The following TENM2 variants were observed in gnomAD, a reference collection of about 807,000 sequenced individuals.
TENM2 encodes the protein teneurin transmembrane protein 2.
A neutral mutation model predicts 245.2 loss-of-function variants in TENM2; 52 were observed. That is an observed-to-expected ratio of 0.21 (90% CI 0.17 to 0.27). The LOEUF is 0.27. Among genes scored for constraint, TENM2 ranks in the 10% least tolerant of loss-of-function variants. TENM2 has a pLI of 1.00. For synonymous variants in TENM2, 1,363 were observed against 1,438.9 expected (o/e 0.95, Z 1.19); for missense variants, 3,046 against 3,666.8 (o/e 0.83, Z 4.37).
chr5:168,036,091 C>T (rs1787638403), intron 5 of TENM2, among the ~76,000 whole-genome samples: 1 of 152,132 alleles, frequency 6.6e-6, no homozygotes, highest in African/African-American at 2.4e-5. Flanking sequence ...CCAGCCCCTA[C>T]CTGGGAGATG....
In TENM2 at chr5:168,218,292, A is replaced by C. The variant is rs769109996; in HGVS notation, c.4401A>C (p.Lys1467Asn). The change falls in exon 23 of 29, where the codon AAA (lysine) becomes AAC (asparagine). Residue 1467 changes from lysine to asparagine, a missense_variant. Physicochemically the swap from Lys to Asn is moderately conservative, Grantham distance 94. This residue lies in a region of TENM2 where 2,704 missense variants were observed against 3,331.9 expected (regional missense o/e 0.81). Transcript: ENST00000518659. The surrounding 1 kb of genome is among the most constrained non-coding windows in gnomAD (Gnocchi z 5.2). Reference sequence around the variant, plus strand: ...CTGGCATTGACTACTCACTCAGCAAACTAGCCATTCACTCTGCCCTGGAGT... The same window carrying C: ...CTGGCATTGACTACTCACTCAGCAACCTAGCCATTCACTCTGCCCTGGAGT... 1 of 1,613,722 alleles carries C rather than the reference A, an allele frequency of 6.2e-7. No individual in the cohort carries two copies. The highest frequency in any genetic ancestry group is 1.7e-5 in the Admixed American group (1 of 59,966).
intron 2 of TENM2, among the ~76,000 whole-genome samples, chr5:167,443,314 C>T: frequency 6.6e-6 from 1 of 152,098 alleles, no homozygotes. Flanking sequence ...AATCCAGCTT[C>T]AAGCCTGTTT....
chr5:167,359,849 G>A (rs978250293), intron 1 of TENM2, among the ~76,000 whole-genome samples: 5 of 152,186 alleles, frequency 3.3e-5, no homozygotes, highest in Non-Finnish European at 5.9e-5. Context: ...AAAGGAATGA[G>A]ATCATATGAG....
chr5:167,421,138 T>G (rs2127423381), intron 2 of TENM2, among the ~76,000 whole-genome samples: 1 of 152,236 alleles, frequency 6.6e-6, no homozygotes, highest in Non-Finnish European at 1.5e-5. Context: ...ACTTTAAGAG[T>G]ATTTGCTAAT....
chr5:167,385,854 ATATGTGTGTGTGTGTGTGTGTGTG>A (rs1347376104), intron 2 of TENM2, among the ~76,000 whole-genome samples: 1 of 130,100 alleles, frequency 7.7e-6, no homozygotes. Flanking sequence ...CATTATATAT[ATATGTGTGTGTGTGTGTGTGTGTG>A]TGTGTGTGTG....
chr5:167,738,431 T>C (rs1760952616), intron 2 of TENM2, among the ~76,000 whole-genome samples: 1 of 152,174 alleles, frequency 6.6e-6, no homozygotes, highest in African/African-American at 2.4e-5. Flanking sequence ...ATTAAGTAAT[T>C]ATTAGTAAAA....
At chr5:167,412,934 T>C (rs1013954702) in intron 2 of TENM2, among the ~76,000 whole-genome samples, 1 of 151,086 alleles carries the variant, frequency 6.6e-6, no homozygotes, top group African/African-American at 2.4e-5. Flanking sequence ...AGGGACTGAA[T>C]TGGAATCTTC....
At chr5:167,295,723 A>G (rs1352054296) in intron 1 of TENM2, among the ~76,000 whole-genome samples, 1 of 152,028 alleles carries the variant, frequency 6.6e-6, no homozygotes, top group African/African-American at 2.4e-5. Context: ...GTGTACTCGA[A>G]ATGAATACAT....
At chr5:168,178,114 C>A (rs149041672) in intron 13 of TENM2, among the ~76,000 whole-genome samples, 1 of 152,142 alleles carries the variant, frequency 6.6e-6, no homozygotes, top group Non-Finnish European at 1.5e-5. Flanking sequence ...ATCTTCCCCC[C>A]AGGGACAAGG....
chr5:167,066,385 A>T, the TENM2 span, among the ~76,000 whole-genome samples: 1 of 151,874 alleles, frequency 6.6e-6, no homozygotes, highest in African/African-American at 2.4e-5. Flanking sequence ...GATGATGAGA[A>T]TTTTTTTTAT....
intron 4 of TENM2, among the ~76,000 whole-genome samples, chr5:167,960,632 G>A (rs1780939342): frequency 6.6e-6 from 1 of 152,140 alleles, no homozygotes; most frequent in Non-Finnish European, 1.5e-5. Flanking sequence ...AGCTTGCTGG[G>A]CTCCATGGGT....
At chr5:167,675,202 T>C (rs1186177772) in intron 2 of TENM2, among the ~76,000 whole-genome samples, 1 of 152,110 alleles carries the variant, frequency 6.6e-6, no homozygotes. Context: ...GGGCTGTGCC[T>C]CCTTTGAATT....
intron 1 of TENM2, among the ~76,000 whole-genome samples, chr5:167,328,062 G>C (rs1757193110): frequency 6.6e-6 from 1 of 151,958 alleles, no homozygotes; most frequent in African/African-American, 2.4e-5. Flanking sequence ...TGCACCTTCT[G>C]TCTTCCAGGT....
At chr5:167,103,553 A>G in the TENM2 span, among the ~76,000 whole-genome samples, 1 of 152,212 alleles carries the variant, frequency 6.6e-6, no homozygotes, top group African/African-American at 2.4e-5. Context: ...TATCGCTAGA[A>G]TCCTGGCATT....
chr5:167,394,958 G>A (rs751192755), intron 2 of TENM2, among the ~76,000 whole-genome samples: 1 of 152,098 alleles, frequency 6.6e-6, no homozygotes, highest in African/African-American at 2.4e-5. Context: ...TCTCAAGATT[G>A]CTTTGGCTTT....
chr5:167,096,545 C>G, the TENM2 span, among the ~76,000 whole-genome samples: 1 of 152,204 alleles, frequency 6.6e-6, no homozygotes, highest in East Asian at 1.9e-4. Flanking sequence ...ATTTCAATCT[C>G]TCCTCTATTC....
rs549010439 is a variant in TENM2, at chr5:167,687,665, TA to T, written c.503-188311del. Among the ~76,000 whole-genome samples the T allele has an allele frequency of 1.5e-4, 23 of 150,508 alleles. No individual in the cohort carries two copies. In the South Asian group the frequency reaches 3.2e-3, roughly 21 times the overall value. On this transcript the variant is annotated intron_variant, in intron 2 of 28. Coordinates refer to ENST00000518659, the Ensembl canonical transcript of TENM2. ...ATCAAGGTACTTTGAGTTTAAAACT[TA>T]AAAAAAAAATCTACTTTATCCAGCC...
intron 2 of TENM2, among the ~76,000 whole-genome samples, chr5:167,573,807 T>G (rs143106992): frequency 5.5e-4 from 84 of 151,940 alleles, no homozygotes; most frequent in African/African-American, 1.8e-3. Flanking sequence ...TGCTCCCCTG[T>G]TCCTTCCCGC....
chr5:168,099,819 G>C (rs561346447), intron 9 of TENM2, among the ~76,000 whole-genome samples: 1 of 152,168 alleles, frequency 6.6e-6, no homozygotes, highest in Non-Finnish European at 1.5e-5. Context: ...TGGCACGTGC[G>C]TGAGACTTAA....
Sources: allele counts gnomAD v4.1 joint callset (sites outside exome capture counted in the v4.1 genomes callset), GRCh38; gene constraint gnomAD v4.1.1; regional missense constraint gnomAD v4.1.1; non-coding constraint Gnocchi (gnomAD v3.1); transcripts MANE v1.5; gene names NCBI Gene and HGNC (gene_info 2026-07-23, HGNC 2026-07-21).